The following MAGI2 variants were observed in gnomAD, a reference collection of about 807,000 sequenced individuals.
MAGI2 encodes membrane associated guanylate kinase, WW and PDZ domain containing 2.
A neutral mutation model predicts 133.3 loss-of-function variants in MAGI2; 35 were observed. The ratio of observed to expected loss-of-function variants is 0.26; its 90% CI spans 0.20 to 0.35. The LOEUF (loss-of-function observed/expected upper bound fraction) is 0.35, where lower values mean the gene tolerates loss of function less well. Among genes scored for constraint, MAGI2 ranks in the 10% least tolerant of loss-of-function variants. The probability of loss-of-function intolerance (pLI) is 1.00; values close to 1 mark genes in which losing one functional copy is unlikely to be tolerated. For missense variants in MAGI2, 1,636 were observed against 1,863.4 expected (o/e 0.88, Z 2.25); for synonymous variants, 729 against 710.6 (o/e 1.03, Z -0.41).
rs767332496 is a variant in MAGI2, at chr7:79,399,095, C to CTTTTTTTTTTTTT, written c.301+53912_301+53924dup. ...GTATTATTTCTTTTTTTTTTCTTTT[C>CTTTTTTTTTTTTT]TTTTTTTTTTTTTTTGGGAGATGGA... is the stretch of plus-strand genomic sequence containing the variant. On this transcript the variant is annotated intron_variant, in intron 1 of 21. Transcript: ENST00000354212. Among the ~76,000 whole-genome samples the CTTTTTTTTTTTTT allele has an allele frequency of 3.3e-3, 352 of 106,212 alleles. 28 individuals are homozygous for CTTTTTTTTTTTTT. The highest frequency in any genetic ancestry group is 0.013 in the African/African-American group (321 of 24,940). The allele number at this position is 106,212 out of a possible 152,430, so 69.7% of individuals were successfully genotyped here.
rs1169062901 is a variant in MAGI2 at position 78,565,616 on chromosome 7, T to A, written c.539-43971A>T. On this transcript the variant is annotated intron_variant, in intron 3 of 21. Coordinates refer to ENST00000354212, the MANE Select transcript of MAGI2 (RefSeq NM_012301.4). ...CACCATTAAAACACGTAAGATTAAA[T>A]AAAACATTTGCTTTTCGTTTTCTTG... Among the ~76,000 whole-genome samples, 6 of 152,160 alleles carry A rather than the reference T, an allele frequency of 3.9e-5. No homozygotes were observed. In the East Asian group the frequency reaches 7.7e-4, roughly 20 times the overall value.
intron 1 of MAGI2, among the ~76,000 whole-genome samples, chr7:79,022,623 T>A (rs140014818): frequency 8.1e-6 from 1 of 123,216 alleles, no homozygotes. Context: ...GCTAGACTAG[T>A]AAGTTTAAAA....
At chr7:78,942,849 A>T (rs1801095232) in intron 2 of MAGI2, among the ~76,000 whole-genome samples, 1 of 151,618 alleles carries the variant, frequency 6.6e-6, no homozygotes. Context: ...GTTGACTTTC[A>T]TTTTATTGTA....
intron 1 of MAGI2, among the ~76,000 whole-genome samples, chr7:79,214,740 A>T (rs1287044167): frequency 7.1e-6 from 1 of 140,556 alleles, no homozygotes; most frequent in Admixed American, 7.3e-5. Flanking sequence ...TATAAATATA[A>T]ATATATAAAT....
intron 20 of MAGI2, among the ~76,000 whole-genome samples, chr7:78,083,982 C>A (rs765041457): frequency 6.6e-6 from 1 of 152,122 alleles, no homozygotes; most frequent in Non-Finnish European, 1.5e-5. Flanking sequence ...TAGATTAAAT[C>A]CTGGATTTAC....
intron 1 of MAGI2, among the ~76,000 whole-genome samples, chr7:79,191,218 A>G (rs2129551154): frequency 6.6e-6 from 1 of 151,250 alleles, no homozygotes; most frequent in Non-Finnish European, 1.5e-5. Flanking sequence ...TGTATATCCC[A>G]TTTTACTTTT....
intron 1 of MAGI2, among the ~76,000 whole-genome samples, chr7:79,058,540 G>C (rs557932833): frequency 1.3e-5 from 2 of 152,036 alleles, no homozygotes; most frequent in Non-Finnish European, 2.9e-5. Context: ...ATGCCCACAC[G>C]TAGTTTTGTC....
At chr7:79,049,116 C>A (rs1209268735) in intron 1 of MAGI2, among the ~76,000 whole-genome samples, 2 of 152,094 alleles carry the variant, frequency 1.3e-5, no homozygotes, top group African/African-American at 2.4e-5. Context: ...CTTTCATAAT[C>A]TTTAATGTTA....
chr7:78,162,638 A>C (rs1825185058), intron 15 of MAGI2, among the ~76,000 whole-genome samples: 1 of 152,150 alleles, frequency 6.6e-6, no homozygotes. Context: ...CAACTAAGTC[A>C]ATGTGAGGAT....
intron 2 of MAGI2, among the ~76,000 whole-genome samples, chr7:78,997,033 G>A (rs1441872405): frequency 6.6e-6 from 1 of 152,106 alleles, no homozygotes; most frequent in African/African-American, 2.4e-5. Flanking sequence ...CTCAAAATGG[G>A]AAAGGACAAA....
At chr7:79,386,662 G>C (rs1420496719) in intron 1 of MAGI2, among the ~76,000 whole-genome samples, 1 of 151,986 alleles carries the variant, frequency 6.6e-6, no homozygotes, top group Non-Finnish European at 1.5e-5. Flanking sequence ...TAGGTTTATG[G>C]AATAACACCG....
intron 9 of MAGI2, among the ~76,000 whole-genome samples, chr7:78,324,926 A>G (rs893442244): frequency 6.6e-6 from 1 of 152,214 alleles, no homozygotes; most frequent in African/African-American, 2.4e-5. Flanking sequence ...AGATCGCGCC[A>G]TTGTACTCCA....
At chr7:78,126,222 G>GTGTGTT (rs1820969235) in intron 19 of MAGI2, among the ~76,000 whole-genome samples, 1 of 151,032 alleles carries the variant, frequency 6.6e-6, no homozygotes, top group African/African-American at 2.4e-5. Context: ...GTGTGTGTGT[G>GTGTGTT]TACAAATTAC....
chr7:79,205,682 C>T (rs983851375), intron 1 of MAGI2, among the ~76,000 whole-genome samples: 45 of 151,038 alleles, frequency 3.0e-4, no homozygotes, highest in Non-Finnish European at 7.4e-5. Context: ...AAAGGATAGA[C>T]AGGATAAAAA....
intron 20 of MAGI2, among the ~76,000 whole-genome samples, chr7:78,116,303 A>G (rs1819861820): frequency 6.6e-6 from 1 of 151,684 alleles, no homozygotes; most frequent in African/African-American, 2.4e-5. Context: ...TTAAATTTGT[A>G]TTTTAATAGA....
At chr7:78,738,195 G>A (rs1204322392) in intron 2 of MAGI2, among the ~76,000 whole-genome samples, 2 of 152,086 alleles carry the variant, frequency 1.3e-5, no homozygotes, top group Non-Finnish European at 2.9e-5. Context: ...GAGGGCTGAA[G>A]CAATTTCCTC....
intron 1 of MAGI2, among the ~76,000 whole-genome samples, chr7:79,158,673 T>G (rs1243748519): frequency 6.6e-6 from 1 of 152,072 alleles, no homozygotes; most frequent in Non-Finnish European, 1.5e-5. Flanking sequence ...TACCCTAAAT[T>G]TAACCATAAG....
At chr7:78,855,539 AT>A (rs1436336464) in intron 2 of MAGI2, among the ~76,000 whole-genome samples, 6 of 152,124 alleles carry the variant, frequency 3.9e-5, no homozygotes, top group Non-Finnish European at 7.4e-5. Flanking sequence ...TTTGCTCAGA[AT>A]GATGGTTTCC....
At chr7:79,248,926 C>T (rs920024142) in intron 1 of MAGI2, among the ~76,000 whole-genome samples, 2 of 151,968 alleles carry the variant, frequency 1.3e-5, no homozygotes, top group African/African-American at 4.8e-5. Context: ...TGCAATGGCA[C>T]AATCTCGGCT....
Sources: allele counts gnomAD v4.1 joint callset (sites outside exome capture counted in the v4.1 genomes callset), GRCh38; gene constraint gnomAD v4.1.1; transcripts MANE v1.5; gene names NCBI Gene and HGNC (gene_info 2026-07-23, HGNC 2026-07-21).